Variants in NPAT observed in about 807,000 individuals in gnomAD.
NPAT encodes protein NPAT.
In NPAT, 52 loss-of-function variants were observed where a neutral mutation model predicts 130.7. The observed-to-expected ratio is 0.40, with a 90% confidence interval of 0.32 to 0.50. The LOEUF is 0.50. NPAT is among the 20% of genes least tolerant of loss of function. NPAT has a pLI of 0.68. For synonymous variants in NPAT, 580 were observed against 584.8 expected, an observed-to-expected ratio of 0.99 and a Z score of 0.12; for missense variants, 1,687 against 1,662.6, an observed-to-expected ratio of 1.01 and a Z score of -0.26.
intron 2 of NPAT, among the ~76,000 whole-genome samples, chr11:108,197,000 A>G (rs1209112297): frequency 1.3e-5 from 2 of 152,182 alleles, no homozygotes; most frequent in South Asian, 4.1e-4. Context: ...TAAAAGGAGC[A>G]GCCAGATACA....
chr11:108,182,822 T>C (rs1324854238), intron 10 of NPAT, among the ~76,000 whole-genome samples: 1 of 152,258 alleles, frequency 6.6e-6, no homozygotes, highest in East Asian at 1.9e-4. Flanking sequence ...ACGAATACAG[T>C]ATTATGAACA....
intron 1 of NPAT, among the ~76,000 whole-genome samples, chr11:108,210,476 T>C (rs114577339): frequency 0.013 from 1,960 of 152,266 alleles, 53 homozygotes; most frequent in African/African-American, 0.044. Context: ...CCCTTCACCT[T>C]CTGCCATGAT....
chr11:108,210,257 A>G (rs1355990146), intron 1 of NPAT, among the ~76,000 whole-genome samples: 2 of 152,110 alleles, frequency 1.3e-5, no homozygotes, highest in Admixed American at 1.3e-4. Context: ...TGTAGTTTAG[A>G]TGTTGCTCCT....
At chr11:108,212,187 T>C (rs886473507) in intron 1 of NPAT, among the ~76,000 whole-genome samples, 1 of 151,906 alleles carries the variant, frequency 6.6e-6, no homozygotes, top group African/African-American at 2.4e-5. Context: ...TATTCAACAT[T>C]GCATGTATCC....
chr11:108,172,660 G>A lies in NPAT; in HGVS notation c.2324C>T (p.Ser775Phe). The A allele has an allele frequency of 1.2e-6, 2 of 1,614,054 alleles. No homozygotes were observed. Among genetic ancestry groups the A allele is most frequent in the African/African-American group, 1.3e-5 (1 of 75,046 alleles). ...GENLPTIILS[S>F]PTKSPTKNAE... ...ATTTTTAGTAGGTGATTTAGTAGGA[G>A]AAGACAAGATTATAGTTGGCAGGTT... The change falls in exon 13 of 18, where the codon TCT (serine) becomes TTT (phenylalanine). Residue 775 changes from serine (S) to phenylalanine (F), a missense_variant. Coordinates refer to ENST00000278612, the MANE Select transcript of NPAT (RefSeq NM_002519.3).
At chr11:108,203,000 T>C (rs2078288494) in intron 1 of NPAT, among the ~76,000 whole-genome samples, 1 of 152,116 alleles carries the variant, frequency 6.6e-6, no homozygotes, top group Admixed American at 6.6e-5. Context: ...TACAATACTA[T>C]CTTCATTGTG....
rs143284146 is a variant in NPAT at position 108,204,780 on chromosome 11, G to A, written c.38-7360C>T. Among the ~76,000 whole-genome samples the A allele has an allele frequency of 2.8e-3, 421 of 152,336 alleles. 1 individual carries two copies. The highest frequency in any genetic ancestry group is 9.6e-3 in the African/African-American group (401 of 41,568). On this transcript the variant is annotated intron_variant, in intron 1 of 17. Coordinates refer to ENST00000278612, the MANE Select transcript of NPAT (RefSeq NM_002519.3). ...TCATTCGCTGCCTTGTGGATGGCAC[G>A]AAGGAGACAGAGTTGTAACAGTCCT...
At chr11:108,200,723 G>A (rs1293250056) in intron 1 of NPAT, among the ~76,000 whole-genome samples, 3 of 152,102 alleles carry the variant, frequency 2.0e-5, no homozygotes, top group Admixed American at 2.0e-4. Context: ...GATATTGGAT[G>A]TACAAAAACC....
chr11:108,172,347 T>C lies in NPAT; in HGVS notation c.2637A>G (p.Gly879=). The change falls in exon 13 of 18, where the codon GGA becomes GGG. Residue 879 remains glycine, a synonymous_variant. Transcript: ENST00000278612. ...ATCVTDPTAL[G]TSVSQSNVVV... is the part of the protein sequence containing the mutation. The stretch of plus-strand genomic sequence containing the variant: ...CTACATTAGACTGACTTACAGATGT[T>C]CCTAACGCTGTTGGATCAGTCACAC... The C allele has an allele frequency of 1.9e-6, 3 of 1,614,202 alleles. No individual in the cohort carries two copies. Among genetic ancestry groups the C allele is most frequent in the Non-Finnish European group, 2.5e-6 (3 of 1,180,044 alleles).
At chr11:108,212,612 C>A (rs1413974657) in intron 1 of NPAT, among the ~76,000 whole-genome samples, 6 of 150,658 alleles carry the variant, frequency 4.0e-5, no homozygotes, top group African/African-American at 1.2e-4. Flanking sequence ...TATAGAAAAT[C>A]CTAAGGAAGC....
chr11:108,197,847 A>G (rs1295544727), intron 1 of NPAT, among the ~76,000 whole-genome samples: 1 of 152,240 alleles, frequency 6.6e-6, no homozygotes, highest in African/African-American at 2.4e-5. Flanking sequence ...TTTATTTGCC[A>G]AATGATTTAT....
intron 1 of NPAT, among the ~76,000 whole-genome samples, chr11:108,217,146 CTAAAT>C (rs966132463): frequency 6.6e-6 from 1 of 152,088 alleles, no homozygotes; most frequent in African/African-American, 2.4e-5. Context: ...ACTGGTGTGT[CTAAAT>C]TATTACAGTG....
intron 15 of NPAT, among the ~76,000 whole-genome samples, chr11:108,165,823 CG>C (rs2010340031): frequency 6.6e-6 from 1 of 151,838 alleles, no homozygotes; most frequent in Admixed American, 6.6e-5. Context: ...TTAGTAGAGA[CG>C]GGGTTTCACC....
chr11:108,197,274 T>C (rs762598778), intron 2 of NPAT, 28 bp downstream of exon 2: 1 of 1,363,494 alleles, frequency 7.3e-7, no homozygotes, highest in Non-Finnish European at 1.1e-6. Flanking sequence ...GTTGATGAAA[T>C]ATTTCCCTTA....
At chr11:108,189,066 G>A (rs2078137013) in intron 6 of NPAT, 40 bp downstream of exon 6, 2 of 1,496,038 alleles carry the variant, frequency 1.3e-6, no homozygotes, top group African/African-American at 1.4e-5. Flanking sequence ...CATACAATTT[G>A]ATTAACAACA....
intron 1 of NPAT, chr11:108,208,588 T>TAA (rs34033921): frequency 0.022 from 6,012 of 271,830 alleles, 12 homozygotes; most frequent in South Asian, 0.031. Context: ...ACCCTGTCTT[T>TAA]AAAAAAAAAA....
At chr11:108,189,075 C>A (rs2078137231) in intron 6 of NPAT, 31 bp downstream of exon 6, 4 of 1,561,884 alleles carry the variant, frequency 2.6e-6, no homozygotes, top group African/African-American at 2.7e-5. Context: ...TGATTAACAA[C>A]AAAATTTAAG....
chr11:108,199,506 T>C (rs2078254919), intron 1 of NPAT, among the ~76,000 whole-genome samples: 1 of 152,170 alleles, frequency 6.6e-6, no homozygotes, highest in South Asian at 2.1e-4. Context: ...CTGGGATCTG[T>C]GCAAGGGTAA....
At chr11:108,169,100 G>A (rs1297973709) in intron 15 of NPAT, among the ~76,000 whole-genome samples, 1 of 152,150 alleles carries the variant, frequency 6.6e-6, no homozygotes, top group Non-Finnish European at 1.5e-5. Flanking sequence ...TGACACTATT[G>A]ATACAACTTA....
Sources: gnomAD v4.1 joint callset for allele counts (sites outside exome capture counted in the v4.1 genomes callset) on GRCh38, gnomAD v4.1.1 for gene constraint, MANE v1.5 for transcripts, NCBI Gene and HGNC (gene_info 2026-07-23, HGNC 2026-07-21) for gene names.